The following FAM135B variants were observed in gnomAD, a reference collection of about 807,000 sequenced individuals.
FAM135B encodes family with sequence similarity 135 member B.
In FAM135B, 43 loss-of-function variants were observed where a neutral mutation model predicts 127.7. The ratio of observed to expected loss-of-function variants is 0.34; its 90% CI spans 0.26 to 0.43. The LOEUF (loss-of-function observed/expected upper bound fraction) is 0.43, where lower values mean the gene tolerates loss of function less well. Among genes scored for constraint, FAM135B ranks in the 20% least tolerant of loss-of-function variants. The pLI is 1.00. For missense variants in FAM135B, 1,558 were observed against 1,725.6 expected (o/e 0.90, Z 1.72); for synonymous variants, 670 against 665.1 (o/e 1.01, Z -0.11).
intron 7 of FAM135B, among the ~76,000 whole-genome samples, chr8:138,201,789 T>A (rs1392098884): frequency 6.6e-6 from 1 of 152,184 alleles, no homozygotes; most frequent in East Asian, 1.9e-4. Context: ...AAATAGAAGG[T>A]CCCTGGCCTG....
intron 1 of FAM135B, among the ~76,000 whole-genome samples, chr8:138,465,051 T>C (rs1837314457): frequency 6.6e-6 from 1 of 152,084 alleles, no homozygotes; most frequent in Non-Finnish European, 1.5e-5. Context: ...TTAAGAAAAT[T>C]GGAGGCTGCT....
rs1327260003 is a variant in FAM135B at position 138,159,286 on chromosome 8, A to T, written c.1259-6070T>A. ...AGAGCGAGACTCCGTCTCAAAAAAAAAAAAAGACACATGCACACATATGTT... is the reference window on the plus strand; with the variant it reads ...AGAGCGAGACTCCGTCTCAAAAAAATAAAAAGACACATGCACACATATGTT... On this transcript the variant is annotated intron_variant, in intron 12 of 19. Transcript: ENST00000395297. 2.2e-5 allele frequency among the ~76,000 whole-genome samples: 3 copies of T among 134,382 alleles called. 1 individual carries two copies. The highest frequency in any genetic ancestry group is 4.8e-5 in the Non-Finnish European group (3 of 62,910). The allele number at this position is 134,382 out of a possible 152,430, so 88.2% of individuals were successfully genotyped here.
intron 1 of FAM135B, among the ~76,000 whole-genome samples, chr8:138,460,222 A>T (rs1372916333): frequency 6.6e-6 from 1 of 152,218 alleles, no homozygotes; most frequent in Non-Finnish European, 1.5e-5. Flanking sequence ...ACGCTGAGGC[A>T]CAGGTAAGGG....
chr8:138,415,127 T>C (rs1325284304), intron 1 of FAM135B, among the ~76,000 whole-genome samples: 1 of 152,190 alleles, frequency 6.6e-6, no homozygotes, highest in South Asian at 2.1e-4. Context: ...TCCAATACTA[T>C]AGCTCTCTGG....
rs370733319 is a variant in FAM135B, at chr8:138,215,352, T to TA, written c.670-17684dup. The stretch of plus-strand genomic sequence containing the variant: ...GATAGAAAATAGTAAATACTCAAAA[T>TA]AATATTTTAACTGATATTATTCTAT... On this transcript the variant is annotated intron_variant, in intron 7 of 19. Transcript: ENST00000395297. Among the ~76,000 whole-genome samples the TA allele has an allele frequency of 3.9e-3, 596 of 152,318 alleles. 2 individuals carry two copies. The highest frequency in any genetic ancestry group is 6.4e-3 in the Non-Finnish European group (436 of 68,024).
rs1822868898 is a variant in FAM135B, at chr8:138,265,781, C to A, written c.219G>T (p.Gln73His). The A allele has an allele frequency of 6.2e-7, 1 of 1,613,950 alleles. No individual in the cohort carries two copies. Among genetic ancestry groups the A allele is most frequent in the South Asian group, 1.1e-5 (1 of 91,078 alleles). Residue 73 changes from glutamine (Q) to histidine (H), a missense_variant, in exon 4 of 20, where the codon CAG becomes CAT. By Grantham distance (24) the Gln-to-His change is conservative. This residue lies in a region of FAM135B where 199 missense variants were observed against 245.7 expected (regional missense o/e 0.81). Transcript: ENST00000395297. Reference protein sequence around the residue: ...HDSTVHSRVFQILYRNEEVPI... With the variant: ...HDSTVHSRVFHILYRNEEVPI... ...GTACCTCTTCATTCCGGTATAAGATCTGAAAGACCCGGCTGTGCACGGTGC... is the reference window on the plus strand; with the variant it reads ...GTACCTCTTCATTCCGGTATAAGATATGAAAGACCCGGCTGTGCACGGTGC...
intron 12 of FAM135B, among the ~76,000 whole-genome samples, chr8:138,157,248 A>G (rs536197826): frequency 1.3e-5 from 2 of 152,126 alleles, no homozygotes; most frequent in Non-Finnish European, 2.9e-5. Flanking sequence ...ATTCAACAGC[A>G]CTTCATGCTA....
At chr8:138,159,089 G>C (rs1819078986) in intron 12 of FAM135B, among the ~76,000 whole-genome samples, 1 of 149,462 alleles carries the variant, frequency 6.7e-6, no homozygotes, top group Non-Finnish European at 1.5e-5. Context: ...TGGCTAACAA[G>C]GTGAAACCCC....
At chr8:138,394,243 G>A (rs1044997043) in intron 1 of FAM135B, among the ~76,000 whole-genome samples, 4 of 152,192 alleles carry the variant, frequency 2.6e-5, no homozygotes, top group African/African-American at 9.7e-5. Context: ...CCTGCAGGGT[G>A]TGTTTGTCCC....
chr8:138,295,572 G>A lies in FAM135B; in HGVS notation c.157+15269C>T, dbSNP rs375080672. ...AACAGAGGTGCCTGCCAGCCAGGAC[G>A]AGGGGCACTTCCTGCAGGGAGTAGC... On this transcript the variant is annotated intron_variant, in intron 3 of 19. Transcript: ENST00000395297. Among the ~76,000 whole-genome samples, 7 of 152,118 alleles carry A rather than the reference G, an allele frequency of 4.6e-5. No individual in the cohort carries two copies. In the East Asian group the frequency reaches 7.7e-4, roughly 17 times the overall value.
intron 7 of FAM135B, among the ~76,000 whole-genome samples, chr8:138,219,815 C>T (rs1334291439): frequency 6.6e-6 from 1 of 152,084 alleles, no homozygotes; most frequent in African/African-American, 2.4e-5. Context: ...CAGCTCTTTC[C>T]CTCTAGGAAC....
intron 19 of FAM135B, among the ~76,000 whole-genome samples, chr8:138,135,615 G>A (rs964293227): frequency 6.6e-6 from 1 of 151,854 alleles, no homozygotes; most frequent in Non-Finnish European, 1.5e-5. Flanking sequence ...AAGGGAATTT[G>A]GCAAAAAACT....
intron 12 of FAM135B, among the ~76,000 whole-genome samples, chr8:138,158,892 C>T (rs1360740030): frequency 6.6e-6 from 1 of 152,180 alleles, no homozygotes; most frequent in Non-Finnish European, 1.5e-5. Context: ...GGCGATTCCT[C>T]AAGGATCTAG....
chr8:138,423,852 C>A (rs1438238334), intron 1 of FAM135B, among the ~76,000 whole-genome samples: 2 of 152,136 alleles, frequency 1.3e-5, no homozygotes, highest in African/African-American at 2.4e-5. Context: ...GACGGCTGCA[C>A]CCCAGGGGGC....
Position 138,299,953 on chromosome 8 carries a change from G to T in FAM135B, c.157+10888C>A, listed in dbSNP as rs766732981. 1.1e-3 allele frequency among the ~76,000 whole-genome samples: 166 copies of T among 151,362 alleles called. 2 individuals carry two copies. The highest frequency in any genetic ancestry group is 1.4e-3 in the Non-Finnish European group (97 of 67,520). ...GCTAGGAAGTGGGATCACCAAAAGTGAGAGTGGTATTTATTTATTTATTTA... is the reference window on the plus strand; with the variant it reads ...GCTAGGAAGTGGGATCACCAAAAGTTAGAGTGGTATTTATTTATTTATTTA... On this transcript the variant is annotated intron_variant, in intron 3 of 19. Transcript: ENST00000395297.
chr8:138,176,808 C>T, intron 11 of FAM135B, among the ~76,000 whole-genome samples: 1 of 152,196 alleles, frequency 6.6e-6, no homozygotes, highest in East Asian at 1.9e-4. Flanking sequence ...AGATTCTCTA[C>T]TCCCACTCAC....
intron 4 of FAM135B, among the ~76,000 whole-genome samples, chr8:138,265,259 G>T (rs958185195): frequency 6.6e-6 from 1 of 152,118 alleles, no homozygotes; most frequent in Non-Finnish European, 1.5e-5. Flanking sequence ...CAAGGTGTTT[G>T]CTTATATATC....
At chr8:138,251,522 T>C (rs968221297) in intron 5 of FAM135B, among the ~76,000 whole-genome samples, 1 of 152,094 alleles carries the variant, frequency 6.6e-6, no homozygotes, top group Non-Finnish European at 1.5e-5. Flanking sequence ...ATTGAGAATA[T>C]AAATACGAAT....
intron 6 of FAM135B, among the ~76,000 whole-genome samples, chr8:138,244,874 T>C (rs1821158176): frequency 6.6e-6 from 1 of 152,224 alleles, no homozygotes; most frequent in Admixed American, 6.5e-5. Flanking sequence ...TGCTTCAGCT[T>C]GTTTTAGTGA....
Sources: allele counts gnomAD v4.1 joint callset (sites outside exome capture counted in the v4.1 genomes callset), GRCh38; gene constraint gnomAD v4.1.1; regional missense constraint gnomAD v4.1.1; transcripts MANE v1.5; gene names NCBI Gene and HGNC (gene_info 2026-07-23, HGNC 2026-07-21).